The following SGCZ variants were observed in gnomAD, a reference collection of about 807,000 sequenced individuals.
The protein encoded by SGCZ is sarcoglycan zeta.
SGCZ carries 40 observed loss-of-function variants against 41.3 expected under a neutral mutation model. The observed-to-expected ratio is 0.97, with a 90% CI of 0.75 to 1.26. SGCZ has a LOEUF of 1.26. Ranked by LOEUF, SGCZ falls within the 50% of genes most tolerant of loss-of-function variation. SGCZ has a pLI of 0.00. For missense variants in SGCZ, 552 were observed against 369.8 expected (o/e 1.49, Z -4.04); for synonymous variants, 206 against 137.5 (o/e 1.50, Z -3.49).
chr8:14,965,338 C>T (rs1206122419), intron 1 of SGCZ, among the ~76,000 whole-genome samples: 1 of 152,126 alleles, frequency 6.6e-6, no homozygotes. Flanking sequence ...TCCAGAGCTA[C>T]ATCCCATTTT....
At chr8:14,801,720 G>C (rs1045081177) in intron 1 of SGCZ, among the ~76,000 whole-genome samples, 1 of 152,164 alleles carries the variant, frequency 6.6e-6, no homozygotes, top group Non-Finnish European at 1.5e-5. Flanking sequence ...GAAGGATCAA[G>C]ATCATGTGGT....
chr8:14,416,923 A>G (rs78326639), intron 2 of SGCZ, among the ~76,000 whole-genome samples: 1,530 of 152,040 alleles, frequency 0.01, 31 homozygotes, highest in African/African-American at 0.035. Context: ...AAAAAAGAGC[A>G]TATGTGTGAC....
chr8:14,833,872 T>C (rs1802610610), intron 1 of SGCZ, among the ~76,000 whole-genome samples: 1 of 152,100 alleles, frequency 6.6e-6, no homozygotes, highest in African/African-American at 2.4e-5. Context: ...ATGGGTCCTC[T>C]CTAAGAATAT....
chr8:14,887,974 T>A (rs76133581), intron 1 of SGCZ, among the ~76,000 whole-genome samples: 7 of 152,178 alleles, frequency 4.6e-5, no homozygotes, highest in African/African-American at 1.7e-4. Context: ...TACAGTTCAA[T>A]AGGAGGGATA....
chr8:14,798,748 T>C (rs183798440), intron 1 of SGCZ, among the ~76,000 whole-genome samples: 17 of 152,194 alleles, frequency 1.1e-4, no homozygotes, highest in African/African-American at 3.8e-4. Flanking sequence ...TTAGATTATG[T>C]AATTTAAGAC....
intron 2 of SGCZ, among the ~76,000 whole-genome samples, chr8:14,328,340 A>G (rs1302442750): frequency 6.6e-6 from 1 of 152,150 alleles, no homozygotes; most frequent in Admixed American, 6.5e-5. Context: ...TCAGGAAGAC[A>G]TTGTTACCAG....
At position 14,196,943 on chromosome 8, in the gene SGCZ, C is replaced by T. The variant is rs189506580; in HGVS notation, c.425-32241G>A. ...ATAGAGAAAATAAATTCATGGATGACGGAAAGGCATATAGGACAGGAAAAT... is the reference window on the plus strand; with the variant it reads ...ATAGAGAAAATAAATTCATGGATGATGGAAAGGCATATAGGACAGGAAAAT... On this transcript the variant is annotated intron_variant, in intron 4 of 7. Coordinates refer to ENST00000382080, the MANE Select transcript of SGCZ (RefSeq NM_139167.4). 2.3e-3 allele frequency among the ~76,000 whole-genome samples: 342 copies of T among 151,836 alleles called. 2 individuals are homozygous for T. Among genetic ancestry groups the T allele is most frequent in the Admixed American group, 8.3e-3 (127 of 15,216 alleles).
intron 1 of SGCZ, among the ~76,000 whole-genome samples, chr8:15,025,989 C>G (rs1803443764): frequency 2.0e-5 from 3 of 151,914 alleles, no homozygotes; most frequent in East Asian, 1.9e-4. Flanking sequence ...TCTGATACAC[C>G]TAGTTTTAAA....
chr8:14,288,467 T>C (rs867477999), intron 3 of SGCZ, among the ~76,000 whole-genome samples: 56 of 152,220 alleles, frequency 3.7e-4, no homozygotes, highest in African/African-American at 1.2e-3. Flanking sequence ...TGGTAACCTC[T>C]AACCTGCTCT....
chr8:14,953,570 C>T (rs1800707853), intron 1 of SGCZ, among the ~76,000 whole-genome samples: 1 of 152,130 alleles, frequency 6.6e-6, no homozygotes, highest in Admixed American at 6.5e-5. Flanking sequence ...AACAGGGTAG[C>T]AGAAGTGCAA....
At chr8:14,865,114 G>C (rs936672613) in intron 1 of SGCZ, among the ~76,000 whole-genome samples, 4 of 151,996 alleles carry the variant, frequency 2.6e-5, no homozygotes, top group Non-Finnish European at 5.9e-5. Context: ...ATGTGCAATA[G>C]TTCCTGCTAC....
At chr8:14,820,080 TA>T (rs1426397983) in intron 1 of SGCZ, among the ~76,000 whole-genome samples, 1 of 151,470 alleles carries the variant, frequency 6.6e-6, no homozygotes, top group Non-Finnish European at 1.5e-5. Context: ...ATAGAGTGGC[TA>T]AATGGAGAAA....
At chr8:14,679,479 C>T (rs549804986) in intron 1 of SGCZ, among the ~76,000 whole-genome samples, 150 of 150,622 alleles carry the variant, frequency 1.0e-3, no homozygotes, top group Non-Finnish European at 1.7e-3. Context: ...TAGTTTTTAT[C>T]AAAAAAGTAA....
intron 1 of SGCZ, among the ~76,000 whole-genome samples, chr8:15,166,438 T>C (rs942284989): frequency 1.1e-4 from 16 of 151,836 alleles, no homozygotes; most frequent in Non-Finnish European, 2.1e-4. Flanking sequence ...TTAGTAGAGA[T>C]GGGGTTTCAC....
intron 1 of SGCZ, among the ~76,000 whole-genome samples, chr8:15,000,132 G>GA (rs1332213413): frequency 3.9e-5 from 6 of 152,094 alleles, no homozygotes; most frequent in South Asian, 2.1e-4. Context: ...CACTGACAAA[G>GA]AAAAAATCAT....
chr8:15,037,443 T>C (rs1393606200), intron 1 of SGCZ, among the ~76,000 whole-genome samples: 1 of 152,172 alleles, frequency 6.6e-6, no homozygotes, highest in East Asian at 1.9e-4. Flanking sequence ...ATGTATAAAT[T>C]ACCCAGTCTC....
chr8:14,440,205 G>A (rs1294985202), intron 2 of SGCZ, among the ~76,000 whole-genome samples: 1 of 151,812 alleles, frequency 6.6e-6, no homozygotes, highest in Admixed American at 6.6e-5. Context: ...TTGCCTATAT[G>A]TCATAGATAT....
At chr8:15,191,062 C>G (rs1800520590) in intron 1 of SGCZ, among the ~76,000 whole-genome samples, 1 of 151,948 alleles carries the variant, frequency 6.6e-6, no homozygotes. Flanking sequence ...AATAAAAACT[C>G]CCCAATATAC....
intron 3 of SGCZ, among the ~76,000 whole-genome samples, chr8:14,321,619 T>C (rs1159359518): frequency 1.3e-5 from 2 of 152,082 alleles, no homozygotes; most frequent in African/African-American, 4.8e-5. Flanking sequence ...AGCATGGCAT[T>C]AATAGAGGTT....
Sources: gnomAD v4.1 joint callset for allele counts (sites outside exome capture counted in the v4.1 genomes callset) on GRCh38, gnomAD v4.1.1 for gene constraint, MANE v1.5 for transcripts, NCBI Gene and HGNC (gene_info 2026-07-23, HGNC 2026-07-21) for gene names.